The following CDH13 variants were observed in gnomAD, a reference collection of about 807,000 sequenced individuals.
The protein encoded by CDH13 is cadherin 13.
In CDH13, 24 loss-of-function variants were observed where a neutral mutation model predicts 63.8. That is an observed-to-expected ratio of 0.38 (90% CI 0.27 to 0.53). The LOEUF (loss-of-function observed/expected upper bound fraction) is 0.53, where lower values mean the gene tolerates loss of function less well. CDH13 is among the 20% of genes least tolerant of loss of function. The pLI, the probability that CDH13 is intolerant of heterozygous loss-of-function variation, is 0.85. For missense variants in CDH13, 1,049 were observed against 903.1 expected (o/e 1.16, Z -2.07); for synonymous variants, 503 against 355.3 (o/e 1.42, Z -4.67).
chr16:82,704,937 A>T (rs1195621066), intron 1 of CDH13: 1 of 337,790 alleles, frequency 3.0e-6, no homozygotes, highest in Non-Finnish European at 5.8e-6. Context: ...AGCCCGGGAT[A>T]TTGACAGACA....
At chr16:82,727,628 A>G (rs2033172320) in intron 1 of CDH13, 1 of 152,198 alleles carries the variant, frequency 6.6e-6, no homozygotes, top group South Asian at 2.1e-4. Flanking sequence ...TGCTCATATC[A>G]TTTATGAAAG....
intron 8 of CDH13, 137 bp from the exon 9 acceptor site, chr16:83,670,653 A>G (rs1914418291): frequency 4.9e-6 from 4 of 808,546 alleles, no homozygotes; most frequent in South Asian, 3.4e-5. Context: ...AGAGCATAGT[A>G]TCTTCCAACC....
At position 83,534,002 on chromosome 16, in the gene CDH13, C is replaced by T. The variant is rs117689580; in HGVS notation, c.960+47347C>T. Among the ~76,000 whole-genome samples, 154 of 152,260 alleles carry T rather than the reference C, an allele frequency of 1.0e-3. 3 individuals are homozygous for T. In the East Asian group the frequency reaches 0.029, roughly 28 times the overall value. On this transcript the variant is annotated intron_variant, in intron 7 of 13. Coordinates refer to ENST00000567109, the MANE Select transcript of CDH13 (RefSeq NM_001257.5). ...AAAATTCACATGACATAAAAATTAA[C>T]CATTTTAAAGTGAACAATTCAGTGC...
chr16:82,839,041 T>C (rs1413494650), intron 1 of CDH13, among the ~76,000 whole-genome samples: 3 of 152,202 alleles, frequency 2.0e-5, no homozygotes, highest in Non-Finnish European at 4.4e-5. Flanking sequence ...CATGGTTGTG[T>C]TCCAATAAAA....
intron 5 of CDH13, among the ~76,000 whole-genome samples, chr16:83,342,469 A>AT (rs2090746762): frequency 6.6e-6 from 1 of 152,348 alleles, no homozygotes; most frequent in African/African-American, 2.4e-5. Context: ...TTTAGAGACC[A>AT]TTCCAAAGGT....
At position 83,562,261 on chromosome 16, in the gene CDH13, A is replaced by C. The variant is rs144546555; in HGVS notation, c.961-40193A>C. Among the ~76,000 whole-genome samples the C allele has an allele frequency of 1.5e-3, 230 of 152,300 alleles. 5 individuals carry two copies. In the East Asian group the frequency reaches 0.042, roughly 28 times the overall value. ...ATCAAATTCTTGATTGTGTTAGTGC[A>C]TCAGGATCCTTGTCAGATAATAAGA... On this transcript the variant is annotated intron_variant, in intron 7 of 13. Coordinates refer to ENST00000567109, the MANE Select transcript of CDH13 (RefSeq NM_001257.5).
At chr16:83,313,485 T>A (rs1057438598) in intron 5 of CDH13, among the ~76,000 whole-genome samples, 1 of 152,166 alleles carries the variant, frequency 6.6e-6, no homozygotes, top group East Asian at 1.9e-4. Context: ...GTGCTAATAA[T>A]TGAATAAAGC....
At chr16:83,037,226 T>C (rs950405940) in intron 3 of CDH13, among the ~76,000 whole-genome samples, 2 of 152,224 alleles carry the variant, frequency 1.3e-5, no homozygotes, top group Non-Finnish European at 1.5e-5. Flanking sequence ...CCTATGTTAT[T>C]TCTAATTCTC....
intron 11 of CDH13, among the ~76,000 whole-genome samples, chr16:83,774,499 A>G (rs1482760452): frequency 6.6e-6 from 1 of 152,072 alleles, no homozygotes; most frequent in Non-Finnish European, 1.5e-5. Flanking sequence ...CAGCCTCCAG[A>G]GTAGCTGGGA....
In CDH13 at chr16:83,205,837, T is replaced by C. The variant is rs542307764; in HGVS notation, c.484-11508T>C. Among the ~76,000 whole-genome samples the C allele has an allele frequency of 7.2e-5, 11 of 152,200 alleles. No homozygotes were observed. The East Asian group carries it at 2.1e-3, about 29-fold the overall frequency. On this transcript the variant is annotated intron_variant, in intron 4 of 13. Transcript: ENST00000567109. ...CCAGGATGGTCTCTATCTCCTGACC[T>C]TGTGATCCACCCGTCTCGGCATCCC...
chr16:82,805,918 T>A (rs998412441), intron 1 of CDH13, among the ~76,000 whole-genome samples: 15 of 152,182 alleles, frequency 9.9e-5, no homozygotes, highest in African/African-American at 3.4e-4. Flanking sequence ...CATTTCTGTT[T>A]TGATCACCCT....
At chr16:82,701,782 T>C (rs1453647357) in intron 1 of CDH13, among the ~76,000 whole-genome samples, 1 of 152,164 alleles carries the variant, frequency 6.6e-6, no homozygotes, top group Non-Finnish European at 1.5e-5. Flanking sequence ...GCTCTTAACA[T>C]GTCACGTGCC....
At chr16:83,503,136 C>T (rs900923715) in intron 7 of CDH13, among the ~76,000 whole-genome samples, 1 of 152,198 alleles carries the variant, frequency 6.6e-6, no homozygotes, top group Non-Finnish European at 1.5e-5. Flanking sequence ...TTCACATCAT[C>T]AGGTAAGCAA....
intron 1 of CDH13, among the ~76,000 whole-genome samples, chr16:82,632,123 A>G (rs932086430): frequency 1.6e-4 from 25 of 152,166 alleles, no homozygotes; most frequent in Non-Finnish European, 2.2e-4. Flanking sequence ...GACAGGGCTG[A>G]GTCACTACTG....
chr16:83,267,435 C>G (rs1052852956), intron 5 of CDH13, among the ~76,000 whole-genome samples: 6 of 152,260 alleles, frequency 3.9e-5, no homozygotes, highest in African/African-American at 1.4e-4. Flanking sequence ...GAGAGCAGCT[C>G]TCCCTTTCTG....
intron 3 of CDH13, among the ~76,000 whole-genome samples, chr16:83,122,151 G>T (rs1412411893): frequency 1.3e-5 from 2 of 152,194 alleles, no homozygotes; most frequent in African/African-American, 4.8e-5. Flanking sequence ...TTTGCATATT[G>T]GAAATGATAT....
chr16:83,028,280 C>T (rs1473474729), intron 2 of CDH13, among the ~76,000 whole-genome samples: 4 of 152,216 alleles, frequency 2.6e-5, no homozygotes, highest in African/African-American at 9.6e-5. Flanking sequence ...AAAACTGAAA[C>T]TAAGCATGTT....
At chr16:83,496,656 C>G (rs1337556560) in intron 7 of CDH13, among the ~76,000 whole-genome samples, 2 of 152,140 alleles carry the variant, frequency 1.3e-5, no homozygotes, top group African/African-American at 4.8e-5. Flanking sequence ...ACAAAATTGA[C>G]AAATGGGATC....
intron 1 of CDH13, among the ~76,000 whole-genome samples, chr16:82,751,579 A>G (rs980938103): frequency 7.9e-5 from 12 of 152,194 alleles, no homozygotes; most frequent in Non-Finnish European, 1.2e-4. Context: ...ATTATAGGAC[A>G]GAGCCCCAGG....
Sources: gnomAD v4.1 joint callset for allele counts (sites outside exome capture counted in the v4.1 genomes callset) on GRCh38, gnomAD v4.1.1 for gene constraint, MANE v1.5 for transcripts, NCBI Gene and HGNC (gene_info 2026-07-23, HGNC 2026-07-21) for gene names.